Variants in DPP6 observed in about 807,000 individuals in gnomAD.
DPP6 encodes the protein dipeptidyl peptidase like 6.
A neutral mutation model predicts 122.6 loss-of-function variants in DPP6; 69 were observed. That is an observed-to-expected ratio of 0.56 (90% CI 0.46 to 0.69). The LOEUF (loss-of-function observed/expected upper bound fraction) is 0.69, where lower values mean the gene tolerates loss of function less well. Among genes scored for constraint, DPP6 ranks in the 30% least tolerant of loss-of-function variants. The probability of loss-of-function intolerance (pLI) is 0.00; values close to 1 mark genes in which losing one functional copy is unlikely to be tolerated. For missense variants in DPP6, 928 were observed against 1,116.9 expected (o/e 0.83, Z 2.41); for synonymous variants, 418 against 433.1 (o/e 0.97, Z 0.43).
intron 3 of DPP6, among the ~76,000 whole-genome samples, chr7:154,536,360 G>C (rs1172243068): frequency 1.3e-5 from 2 of 152,090 alleles, no homozygotes; most frequent in African/African-American, 4.8e-5. Context: ...TTTCTAGATA[G>C]GTTATGTTTT....
chr7:154,275,819 C>T (rs1297815266), intron 1 of DPP6, among the ~76,000 whole-genome samples: 2 of 152,348 alleles, frequency 1.3e-5, no homozygotes, highest in East Asian at 3.9e-4. Context: ...CCTTAAAGGC[C>T]AAGAACTTAA....
chr7:154,566,785 A>G, intron 4 of DPP6, 57 bp from the exon 5 acceptor site: 1 of 987,068 alleles, frequency 1.0e-6, no homozygotes, highest in Non-Finnish European at 1.5e-6. Flanking sequence ...TTTTATTATA[A>G]GATTCTGACT....
intron 1 of DPP6, among the ~76,000 whole-genome samples, chr7:154,091,036 G>C (rs185043065): frequency 0.021 from 3,243 of 151,390 alleles, 102 homozygotes; most frequent in African/African-American, 0.069. Flanking sequence ...CAGGAGAATG[G>C]TGTGAACCCA....
chr7:154,743,149 C>T (rs1297544270), intron 8 of DPP6, among the ~76,000 whole-genome samples: 2 of 152,216 alleles, frequency 1.3e-5, no homozygotes, highest in Admixed American at 6.5e-5. Flanking sequence ...TCTCATCTCT[C>T]GGGCTCAGCT....
At chr7:154,415,256 C>A (rs1390593442) in intron 1 of DPP6, among the ~76,000 whole-genome samples, 5 of 152,184 alleles carry the variant, frequency 3.3e-5, no homozygotes, top group Admixed American at 2.6e-4. Flanking sequence ...CTAGATAAAT[C>A]ACTCAAGGTT....
At chr7:154,608,092 G>A (rs1343159275) in intron 5 of DPP6, among the ~76,000 whole-genome samples, 3 of 145,136 alleles carry the variant, frequency 2.1e-5, no homozygotes, top group East Asian at 2.1e-4. Context: ...CAATTCTCCT[G>A]CCTCAGCCTC....
At chr7:153,799,753 G>A in the DPP6 span, among the ~76,000 whole-genome samples, 1 of 152,152 alleles carries the variant, frequency 6.6e-6, no homozygotes, top group Non-Finnish European at 1.5e-5. Context: ...ACACTCTTGA[G>A]ACTGAATTAA....
chr7:153,861,019 C>T, the DPP6 span, among the ~76,000 whole-genome samples: 1 of 152,168 alleles, frequency 6.6e-6, no homozygotes, highest in Non-Finnish European at 1.5e-5. Context: ...TTCCCCATAT[C>T]AGGCAAGAAA....
At chr7:154,388,071 G>C (rs923435352) in intron 1 of DPP6, among the ~76,000 whole-genome samples, 1 of 152,126 alleles carries the variant, frequency 6.6e-6, no homozygotes, top group East Asian at 1.9e-4. Context: ...GAAGACCAAG[G>C]GGGGAGTTTC....
intron 12 of DPP6, among the ~76,000 whole-genome samples, chr7:154,798,425 C>T (rs972064779): frequency 2.6e-5 from 4 of 152,198 alleles, no homozygotes; most frequent in African/African-American, 9.7e-5. Context: ...CCAGTCAACA[C>T]TTAAAAGGTG....
chr7:153,913,868 T>G (rs1800192658), intron 1 of DPP6, among the ~76,000 whole-genome samples: 1 of 152,210 alleles, frequency 6.6e-6, no homozygotes, highest in Non-Finnish European at 1.5e-5. Flanking sequence ...TTCAATGCAA[T>G]GCCAAACTCT....
intron 1 of DPP6, among the ~76,000 whole-genome samples, chr7:154,147,815 A>G (rs1283439866): frequency 0.04 from 5,751 of 144,070 alleles, no homozygotes; most frequent in African/African-American, 0.15. Flanking sequence ...AAGTGCTGGG[A>G]TTACAAGTGT....
rs373754267 is a variant in DPP6, at chr7:154,803,914, C to T, written c.1458C>T (p.Asp486=). Residue 486 remains aspartate (D), a synonymous_variant, in exon 14 of 26, where the codon GAC becomes GAT. Transcript: ENST00000377770. ...NIQSITSGDW[D]VTKILAYDEK... ...AGTCCATCACCTCCGGGGACTGGGA[C>T]GTGACCAAGATCCTAGCCTACGATG... 8.4e-4 allele frequency: 1,349 copies of T among 1,613,888 alleles called. No individual in the cohort carries two copies. Among genetic ancestry groups the T allele is most frequent in the Non-Finnish European group, 1.1e-3 (1,298 of 1,179,836 alleles).
Position 154,165,696 on chromosome 7 carries a change from A to C in DPP6, c.243+112633A>C, listed in dbSNP as rs565900799. 1.2e-3 allele frequency among the ~76,000 whole-genome samples: 176 copies of C among 152,204 alleles called. 1 individual carries two copies. Among genetic ancestry groups the C allele is most frequent in the Middle Eastern group, 0.01 (3 of 294 alleles). The stretch of plus-strand genomic sequence containing the variant: ...GTTTCCTGACTTTTTAATGACTGCC[A>C]TTCTAACTGATGTGAGATGGTATCT... On this transcript the variant is annotated intron_variant, in intron 1 of 25. Transcript: ENST00000377770.
At position 154,652,404 on chromosome 7, in the gene DPP6, GGTTT is replaced by G. The variant is rs1373068964; in HGVS notation, c.680+14532_680+14535del. Among the ~76,000 whole-genome samples, 5 of 30,486 alleles carry G rather than the reference GGTTT, an allele frequency of 1.6e-4. 1 individual carries two copies. The highest frequency in any genetic ancestry group is 3.4e-3 in the South Asian group (1 of 296). 20.0% of individuals were successfully genotyped at this position (30,486 alleles called of 152,430 possible). A position where few individuals can be genotyped will look rare whatever the true frequency, so the allele number is the denominator to read the frequency against. On this transcript the variant is annotated intron_variant, in intron 6 of 25. Transcript: ENST00000377770. The stretch of plus-strand genomic sequence containing the variant: ...TCTAATTCATTATCACTAAGTCTGT[GGTTT>G]TTTTTTTTTTTTGTGATCAATATAC...
intron 1 of DPP6, among the ~76,000 whole-genome samples, chr7:153,956,820 T>C (rs1802482583): frequency 6.6e-6 from 1 of 152,176 alleles, no homozygotes; most frequent in African/African-American, 2.4e-5. Flanking sequence ...TATCTTTCAC[T>C]GTTTCTAGAA....
At chr7:154,473,986 G>A (rs1280155629) in intron 2 of DPP6, among the ~76,000 whole-genome samples, 2 of 152,172 alleles carry the variant, frequency 1.3e-5, no homozygotes, top group Non-Finnish European at 2.9e-5. Flanking sequence ...CTATTTAAGA[G>A]GGCAGGGAAG....
intron 17 of DPP6, chr7:154,858,164 C>G (rs1283907463): frequency 6.6e-6 from 1 of 152,224 alleles, no homozygotes; most frequent in African/African-American, 2.4e-5. Context: ...TCAGCACTTG[C>G]TCCGGGGCAG....
chr7:154,583,670 C>T (rs79449074), intron 5 of DPP6, among the ~76,000 whole-genome samples: 5,288 of 152,216 alleles, frequency 0.035, 306 homozygotes, highest in African/African-American at 0.12. Flanking sequence ...TCAGAAGCCT[C>T]GCGTGGAGGA....
Sources: gnomAD v4.1 joint callset for allele counts (sites outside exome capture counted in the v4.1 genomes callset) on GRCh38, gnomAD v4.1.1 for gene constraint, MANE v1.5 for transcripts, NCBI Gene and HGNC (gene_info 2026-07-23, HGNC 2026-07-21) for gene names.